CADPS2: variants seen among roughly 807,000 people sequenced by gnomAD.
The protein encoded by CADPS2 is calcium-dependent secretion activator 2.
In CADPS2, 93 loss-of-function variants were observed where a neutral mutation model predicts 172.5. The ratio of observed to expected loss-of-function variants is 0.54; its 90% CI spans 0.46 to 0.64. The LOEUF (loss-of-function observed/expected upper bound fraction) is 0.64. CADPS2 is among the 30% of genes least tolerant of loss of function. CADPS2 has a pLI of 0.00. For synonymous variants in CADPS2, 546 were observed against 555.2 expected, an observed-to-expected ratio of 0.98 and a Z score of 0.23; for missense variants, 1,420 against 1,565.9, an observed-to-expected ratio of 0.91 and a Z score of 1.57.
intron 27 of CADPS2, among the ~76,000 whole-genome samples, chr7:122,347,137 C>T (rs1484896232): frequency 6.6e-6 from 1 of 152,018 alleles, no homozygotes; most frequent in Non-Finnish European, 1.5e-5. Flanking sequence ...GACTCATTTG[C>T]AAAAGTAAAT....
At chr7:122,726,604 C>T (rs1363799427) in intron 2 of CADPS2, among the ~76,000 whole-genome samples, 1 of 151,850 alleles carries the variant, frequency 6.6e-6, no homozygotes, top group Non-Finnish European at 1.5e-5. Context: ...AGAGGATTAG[C>T]AAACGACATG....
At chr7:122,590,795 C>A (rs957327072) in intron 6 of CADPS2, among the ~76,000 whole-genome samples, 1 of 151,662 alleles carries the variant, frequency 6.6e-6, no homozygotes, top group East Asian at 1.9e-4. Flanking sequence ...CACTGCAATA[C>A]AAAATTCAAA....
chr7:122,559,859 G>C (rs1387588484), intron 7 of CADPS2, among the ~76,000 whole-genome samples: 1 of 151,606 alleles, frequency 6.6e-6, no homozygotes, highest in Non-Finnish European at 1.5e-5. Context: ...GTTAGGAAAA[G>C]GGACAAGACT....
intron 2 of CADPS2, among the ~76,000 whole-genome samples, chr7:122,683,968 C>T (rs1458534338): frequency 6.6e-6 from 1 of 152,082 alleles, no homozygotes; most frequent in African/African-American, 2.4e-5. Flanking sequence ...AAGGTGCTTG[C>T]CTTGTACCCT....
At chr7:122,365,617 G>T (rs985474532) in intron 25 of CADPS2, among the ~76,000 whole-genome samples, 1 of 152,148 alleles carries the variant, frequency 6.6e-6, no homozygotes, top group African/African-American at 2.4e-5. Context: ...TTATGGGTTT[G>T]CCTTTGTGCT....
chr7:122,733,914 C>T (rs901984051), intron 2 of CADPS2, among the ~76,000 whole-genome samples: 7 of 151,946 alleles, frequency 4.6e-5, no homozygotes, highest in Non-Finnish European at 1.0e-4. Context: ...GCACTCTAGT[C>T]GGGGTGACTG....
At chr7:122,783,970 T>C (rs976241988) in intron 1 of CADPS2, among the ~76,000 whole-genome samples, 2 of 152,230 alleles carry the variant, frequency 1.3e-5, no homozygotes, top group Non-Finnish European at 2.9e-5. Context: ...TTAATATTTT[T>C]CCCACTAACC....
In CADPS2 at chr7:122,636,250, T is replaced by C. The variant is rs552109075; in HGVS notation, c.787-6922A>G. ...AGCAGGTTTTGGTGTTTCATCTCCA[T>C]GTTTAGCACTCTTTTAAGGACCTCT... On this transcript the variant is annotated intron_variant, in intron 3 of 29. Coordinates refer to ENST00000449022, the MANE Select transcript of CADPS2 (RefSeq NM_017954.11). 3.3e-5 allele frequency among the ~76,000 whole-genome samples: 5 copies of C among 152,290 alleles called. No individual in the cohort carries two copies. In the South Asian group the frequency reaches 1.0e-3, roughly 32 times the overall value.
chr7:122,539,827 C>T (rs1563640287), intron 8 of CADPS2, among the ~76,000 whole-genome samples: 1 of 105,580 alleles, frequency 9.5e-6, no homozygotes, highest in African/African-American at 2.7e-5. Flanking sequence ...CTGTCTCTCT[C>T]TTTCTTTCTT....
chr7:122,698,881 G>T, intron 2 of CADPS2: 1 of 1,603,802 alleles, frequency 6.2e-7, no homozygotes, highest in African/African-American at 1.3e-5. Context: ...GGAAGAGGCA[G>T]TGTTGTTTCT....
At chr7:122,500,308 A>C (rs2059092948) in intron 9 of CADPS2, among the ~76,000 whole-genome samples, 1 of 152,128 alleles carries the variant, frequency 6.6e-6, no homozygotes. Flanking sequence ...GCACAGAGTC[A>C]CTGCTTCTGT....
chr7:122,473,862 A>G (rs1250788786), intron 13 of CADPS2, among the ~76,000 whole-genome samples: 1 of 152,164 alleles, frequency 6.6e-6, no homozygotes, highest in Non-Finnish European at 1.5e-5. Flanking sequence ...AATTCAAGTT[A>G]TACTTTGGAT....
intron 2 of CADPS2, chr7:122,702,124 G>A (rs753838190): frequency 1.7e-5 from 27 of 1,613,412 alleles, no homozygotes; most frequent in Middle Eastern, 1.6e-4. Flanking sequence ...GTCTCCAGAC[G>A]CAATCTAAGT....
chr7:122,777,095 G>A (rs917070105), intron 1 of CADPS2, among the ~76,000 whole-genome samples: 4 of 152,202 alleles, frequency 2.6e-5, no homozygotes, highest in Non-Finnish European at 5.9e-5. Flanking sequence ...AGGCTGCAGT[G>A]TGCTGTGATC....
intron 1 of CADPS2, among the ~76,000 whole-genome samples, chr7:122,796,406 A>C (rs1796380253): frequency 6.6e-6 from 1 of 152,230 alleles, no homozygotes; most frequent in South Asian, 2.1e-4. Flanking sequence ...CAAATAGCCA[A>C]GGCAACCTTA....
intron 2 of CADPS2, among the ~76,000 whole-genome samples, chr7:122,724,678 T>G (rs893471006): frequency 6.6e-6 from 1 of 152,044 alleles, no homozygotes; most frequent in Non-Finnish European, 1.5e-5. Flanking sequence ...ATAAACTCCG[T>G]CAGTCACACA....
chr7:122,405,007 T>G (rs1318865204), intron 20 of CADPS2, among the ~76,000 whole-genome samples: 1 of 151,622 alleles, frequency 6.6e-6, no homozygotes, highest in Non-Finnish European at 1.5e-5. Flanking sequence ...CGGGCGCCTG[T>G]GGAGGCAGAG....
intron 2 of CADPS2, chr7:122,698,606 T>C (rs1286736951): frequency 6.2e-7 from 1 of 1,614,080 alleles, no homozygotes. Context: ...CCCCGTTCAA[T>C]AAGTGCAAGC....
chr7:122,590,652 ATACTT>A (rs1348451685), intron 6 of CADPS2, among the ~76,000 whole-genome samples: 4 of 151,898 alleles, frequency 2.6e-5, no homozygotes, highest in African/African-American at 7.2e-5. Context: ...AGGCAGCCCA[ATACTT>A]TAAACTTCTC....
Sources: allele counts gnomAD v4.1 joint callset (sites outside exome capture counted in the v4.1 genomes callset), GRCh38; gene constraint gnomAD v4.1.1; transcripts MANE v1.5; gene names NCBI Gene and HGNC (gene_info 2026-07-23, HGNC 2026-07-21).